UPK1A: variants seen among roughly 807,000 people sequenced by gnomAD.
UPK1A encodes the protein uroplakin 1A.
UPK1A carries 31 observed loss-of-function variants against 32.3 expected under a neutral mutation model. The observed-to-expected ratio is 0.96, with a 90% CI of 0.72 to 1.30. The LOEUF is 1.30. Ranked by LOEUF, UPK1A falls within the 50% of genes most tolerant of loss-of-function variation. The pLI, the probability that UPK1A is intolerant of heterozygous loss-of-function variation, is 0.00. For synonymous variants in UPK1A, 135 were observed against 137.1 expected (o/e 0.98, Z 0.11); for missense variants, 340 against 357.4 (o/e 0.95, Z 0.39).
chr19:35,666,890 T>C, exon 2 of UPK1A: 1 of 1,613,914 alleles, frequency 6.2e-7, no homozygotes, highest in Non-Finnish European at 8.5e-7. Context: ...GCAATATCAT[T>C]ATTCTGGTGA....
In UPK1A at chr19:35,671,343, C is replaced by T. The variant is rs563885649; in HGVS notation, c.286-1889C>T. The stretch of plus-strand genomic sequence containing the variant: ...CGCAGCTTGCAGTGAGCAGAGATCG[C>T]GCCACTGCACTCCAGCCTGGGCGAC... On this transcript the variant is annotated intron_variant, in intron 3 of 7. Transcript: ENST00000617999. Among the ~76,000 whole-genome samples, 8 of 139,598 alleles carry T rather than the reference C, an allele frequency of 5.7e-5. No homozygotes were observed. The East Asian group carries it at 6.5e-4, about 11-fold the overall frequency. 91.6% of individuals were successfully genotyped at this position (139,598 alleles called of 152,430 possible). A position where few individuals can be genotyped will look rare whatever the true frequency, so the allele number is the denominator to read the frequency against.
intron 3 of UPK1A, among the ~76,000 whole-genome samples, chr19:35,671,683 C>T (rs112738745): frequency 6.6e-6 from 1 of 151,160 alleles, no homozygotes; most frequent in Non-Finnish European, 1.5e-5. Context: ...AGGATGGTCT[C>T]GATCTCCTGA....
At chr19:35,677,474 C>T (rs955088565) in intron 6 of UPK1A, among the ~76,000 whole-genome samples, 2 of 151,140 alleles carry the variant, frequency 1.3e-5, no homozygotes, top group Non-Finnish European at 2.9e-5. Context: ...TTCAGTGAGC[C>T]GAGATCATGC....
chr19:35,674,832 A>C (rs1007805685), intron 5 of UPK1A, among the ~76,000 whole-genome samples: 11 of 152,070 alleles, frequency 7.2e-5, no homozygotes, highest in Admixed American at 7.2e-4. Flanking sequence ...ACTTGAGTTC[A>C]GGGGTTCAAG....
At chr19:35,667,710 T>G (rs1599628317) in intron 2 of UPK1A, among the ~76,000 whole-genome samples, 1 of 152,010 alleles carries the variant, frequency 6.6e-6, no homozygotes, top group Non-Finnish European at 1.5e-5. Context: ...GCCAGGCTGG[T>G]CTTGAACTCC....
exon 8 of UPK1A, chr19:35,678,204 A>C: frequency 6.1e-6 from 4 of 660,652 alleles, no homozygotes; most frequent in Non-Finnish European, 4.8e-6. Flanking sequence ...GTGCCCTGAA[A>C]CCCCAGGGCT....
intron 6 of UPK1A, 177 bp downstream of exon 6, chr19:35,676,196 T>TTTCTTTC: frequency 3.2e-5 from 12 of 375,046 alleles, no homozygotes; most frequent in African/African-American, 2.2e-4. Flanking sequence ...TCTTTCTTTC[T>TTTCTTTC]TTTTTTTTTT....
chr19:35,667,956 A>AT lies in UPK1A; in HGVS notation c.85-491dup, dbSNP rs536709150. ...AGGTGCACATCACCACATCTAGCTA[A>AT]TTTTTTTATTTTTTGTAGAGACGGG... On this transcript the variant is annotated intron_variant, in intron 2 of 7. Coordinates refer to ENST00000617999, the Ensembl canonical transcript of UPK1A. 52 of 202,656 alleles carry AT rather than the reference A, an allele frequency of 2.6e-4. No individual in the cohort carries two copies. In the South Asian group the frequency reaches 4.3e-3, roughly 17 times the overall value. 12.6% of individuals were successfully genotyped at this position (202,656 alleles called of 1,614,324 possible).
In UPK1A at chr19:35,666,799, T is replaced by C. The variant is rs770002659; in HGVS notation, c.-4-10T>C. 13 of 1,613,840 alleles carry C rather than the reference T, an allele frequency of 8.1e-6. No individual in the cohort carries two copies. Among genetic ancestry groups the C allele is most frequent in the East Asian group, 2.2e-5 (1 of 44,882 alleles). On this transcript the variant is annotated splice_polypyrimidine_tract_variant and intron_variant, in intron 1 of 7. Coordinates refer to ENST00000617999, the Ensembl canonical transcript of UPK1A. ...ACGCTCCTGGCCTCATCCCTGCTCA[T>C]GTGTCCCAGGATGATGGCGTCTGCG... is the stretch of plus-strand genomic sequence containing the variant.
At position 35,677,970 on chromosome 19, in the gene UPK1A, G is replaced by A. The variant is rs2285420; in HGVS notation, c.733-5G>A. The A allele has an allele frequency of 0.1, 161,041 of 1,597,646 alleles. 8,745 individuals are homozygous for A. The highest frequency in any genetic ancestry group is 0.1 in the Admixed American group (5,976 of 57,472). ...AGTGCCCTCATCTCGCTGCCTCCTC[G>A]CCAGCTCCCGGTCATGCTGATAGCC... On this transcript the variant is annotated splice_polypyrimidine_tract_variant and splice_region_variant and intron_variant, in intron 7 of 7. Coordinates refer to ENST00000617999, the Ensembl canonical transcript of UPK1A.
chr19:35,668,349 G>T, intron 2 of UPK1A, 105 bp from the exon 3 acceptor site: 1 of 1,360,088 alleles, frequency 7.4e-7, no homozygotes, highest in East Asian at 2.4e-5. Context: ...ACTTTACTGA[G>T]AGGGCAGTGG....
chr19:35,676,092 TTC>T (rs1473981548), intron 6 of UPK1A, 73 bp downstream of exon 6: 14 of 1,459,612 alleles, frequency 9.6e-6, no homozygotes, highest in South Asian at 6.6e-5. Flanking sequence ...CCCTCTCTGA[TTC>T]TCTCTTTCTC....
At chr19:35,670,717 C>CCTTT (rs1408500829) in intron 3 of UPK1A, among the ~76,000 whole-genome samples, 1 of 99,600 alleles carries the variant, frequency 1.0e-5, no homozygotes, top group Non-Finnish European at 1.9e-5. Context: ...TTCCTTCCTT[C>CCTTT]CTTTCTTTGT....
chr19:35,671,111 G>A (rs1446753033), intron 3 of UPK1A, among the ~76,000 whole-genome samples: 2 of 152,056 alleles, frequency 1.3e-5, no homozygotes, highest in South Asian at 2.1e-4. Context: ...TGTCTGGGCC[G>A]GGCTCGGTGG....
intron 5 of UPK1A, 36 bp downstream of exon 5, chr19:35,673,581 G>A: frequency 6.3e-7 from 1 of 1,596,410 alleles, no homozygotes; most frequent in South Asian, 1.1e-5. Context: ...GAGGGCCCTG[G>A]GCTCCGTCCA....
In UPK1A at chr19:35,673,563, G is replaced by T. The variant is rs1419732770; in HGVS notation, c.468+18G>T. ...TGATTGAGGTGGGCGGGGTGGACCG[G>T]GTGCTGGGAGGGCCCTGGGCTCCGT... On this transcript the variant is annotated intron_variant, in intron 5 of 7. Coordinates refer to ENST00000617999, the Ensembl canonical transcript of UPK1A. 3.1e-6 allele frequency: 5 copies of T among 1,610,034 alleles called. No individual in the cohort carries two copies. The highest frequency in any genetic ancestry group is 4.2e-6 in the Non-Finnish European group (5 of 1,177,974).
intron 6 of UPK1A, chr19:35,676,338 G>A (rs535399384): frequency 2.7e-5 from 13 of 481,522 alleles, no homozygotes; most frequent in South Asian, 3.8e-5. Context: ...TTACAGGTGC[G>A]CACCACCCTC....
intron 6 of UPK1A, among the ~76,000 whole-genome samples, chr19:35,677,451 G>A (rs185190973): frequency 1.3e-4 from 20 of 151,798 alleles, no homozygotes; most frequent in Admixed American, 2.0e-4. Flanking sequence ...GCTTGAACGC[G>A]GGAGGTAAAG....
intron 4 of UPK1A, 28 bp from the exon 5 acceptor site, chr19:35,673,410 G>C: frequency 6.2e-7 from 1 of 1,612,290 alleles, no homozygotes; most frequent in South Asian, 1.1e-5. Flanking sequence ...CAGCCCTGCC[G>C]GCCCTTGTTC....
Sources: allele counts gnomAD v4.1 joint callset (sites outside exome capture counted in the v4.1 genomes callset), GRCh38; gene constraint gnomAD v4.1.1; transcripts MANE v1.5; gene names NCBI Gene and HGNC (gene_info 2026-07-23, HGNC 2026-07-21).